PCM1: variants seen among roughly 807,000 people sequenced by gnomAD.
PCM1 encodes the protein pericentriolar material 1 protein.
PCM1 carries 157 observed loss-of-function variants against 241.9 expected under a neutral mutation model. The observed-to-expected ratio is 0.65, with a 90% CI of 0.57 to 0.74. The LOEUF is 0.74. Ranked by LOEUF, PCM1 falls within the 30% of genes least tolerant of loss-of-function variation. The pLI, the probability that PCM1 is intolerant of heterozygous loss-of-function variation, is 0.00. For missense variants in PCM1, 3,478 were observed against 2,360.1 expected (o/e 1.47, Z -9.81); for synonymous variants, 1,085 against 784.9 (o/e 1.38, Z -6.39).
At chr8:18,009,819 A>C (rs1384400631) in intron 31 of PCM1, 75 bp downstream of exon 31, 1 of 948,346 alleles carries the variant, frequency 1.1e-6, no homozygotes, top group East Asian at 3.0e-5. Flanking sequence ...ATTAACTGAA[A>C]TCACATTTTA....
chr8:17,954,517 C>G (rs1238287042), intron 9 of PCM1, among the ~76,000 whole-genome samples: 1 of 151,972 alleles, frequency 6.6e-6, no homozygotes, highest in Non-Finnish European at 1.5e-5. Context: ...CATAAAGTAG[C>G]ACTCCGTATA....
At position 18,014,626 on chromosome 8, in the gene PCM1, T is replaced by C; in HGVS notation, c.5627T>C (p.Ile1876Thr). 6.2e-7 allele frequency: 1 copy of C among 1,613,080 alleles called. No individual in the cohort carries two copies. The highest frequency in any genetic ancestry group is 8.5e-7 in the Non-Finnish European group (1 of 1,179,242). Reference sequence around the variant, plus strand: ...CCTGTGAAACCCTGTTACCTCAATATCTTGGAAGATGAGCAACCTTTAAAT... The same window carrying C: ...CCTGTGAAACCCTGTTACCTCAATACCTTGGAAGATGAGCAACCTTTAAAT... The part of the protein sequence containing the change: ...NCPVKPCYLN[I>T]LEDEQPLNSA... The change falls in exon 36 of 39, where the codon ATC becomes ACC. Residue 1876 changes from isoleucine to threonine, a missense_variant. Transcript: ENST00000325083.
At chr8:17,950,335 T>A (rs1001963864) in intron 7 of PCM1, among the ~76,000 whole-genome samples, 1 of 152,186 alleles carries the variant, frequency 6.6e-6, no homozygotes, top group Non-Finnish European at 1.5e-5. Flanking sequence ...CTCCACTGAG[T>A]CACTACTATT....
chr8:17,938,255 C>T (rs1386727672), intron 4 of PCM1, among the ~76,000 whole-genome samples: 5 of 152,032 alleles, frequency 3.3e-5, no homozygotes, highest in African/African-American at 9.7e-5. Context: ...AGTGAAAACG[C>T]GTCAAAACTT....
intron 24 of PCM1, among the ~76,000 whole-genome samples, chr8:17,981,279 A>G (rs1467693367): frequency 6.6e-6 from 1 of 152,150 alleles, no homozygotes; most frequent in East Asian, 1.9e-4. Context: ...TTCTATCTCA[A>G]GTCCTTTCTG....
chr8:17,960,069 T>C lies in PCM1; in HGVS notation c.2096T>C (p.Phe699Ser). The change falls in exon 14 of 39, where the codon TTC (phenylalanine) becomes TCC (serine). Residue 699 changes from phenylalanine (F) to serine (S), a missense_variant. Phe to Ser is a radical substitution (Grantham distance 155). Coordinates refer to ENST00000325083, the MANE Select transcript of PCM1 (RefSeq NM_006197.4). ...ISASASNLDD[F>S]YPAEEDTKQN... ...GCCAGTGCATCAAATTTGGATGATT[T>C]CTACCCAGCAGAAGAAGACACCAAG... 6.2e-7 allele frequency: 1 copy of C among 1,612,208 alleles called. No individual in the cohort carries two copies.
At chr8:18,019,505 G>T (rs2093589735) in intron 36 of PCM1, among the ~76,000 whole-genome samples, 1 of 152,136 alleles carries the variant, frequency 6.6e-6, no homozygotes, top group Admixed American at 6.5e-5. Context: ...TGCAGAATCA[G>T]TGGGAGACCT....
intron 23 of PCM1, among the ~76,000 whole-genome samples, chr8:17,979,671 G>A (rs1464946074): frequency 6.6e-6 from 1 of 152,098 alleles, no homozygotes; most frequent in Non-Finnish European, 1.5e-5. Context: ...ACATAACCAT[G>A]TTCTTAAGAT....
At position 18,027,975 on chromosome 8, in the gene PCM1, A is replaced by G. The variant is rs1050216130; in HGVS notation, c.*313A>G. 13 of 286,448 alleles carry G rather than the reference A, an allele frequency of 4.5e-5. No individual in the cohort carries two copies. Among genetic ancestry groups the G allele is most frequent in the Non-Finnish European group, 7.1e-5 (11 of 154,884 alleles). 17.7% of individuals were successfully genotyped at this position (286,448 alleles called of 1,614,324 possible). A position where few individuals can be genotyped will look rare whatever the true frequency, so the allele number is the denominator to read the frequency against. The stretch of plus-strand genomic sequence containing the variant: ...TAAAGTTTGGACTTATCTATAAAGT[A>G]TCTTTTTTGGAAATTATATTGAATT... On this transcript the variant is annotated 3_prime_UTR_variant, in exon 39 of 39. Transcript: ENST00000325083.
At chr8:17,947,444 A>G (rs1290229016) in intron 7 of PCM1, 81 bp downstream of exon 7, 2 of 979,808 alleles carry the variant, frequency 2.0e-6, no homozygotes, top group Non-Finnish European at 3.0e-6. Flanking sequence ...TGATTATTAC[A>G]TAATCAGATC....
chr8:18,016,390 C>T (rs909701651), intron 36 of PCM1, among the ~76,000 whole-genome samples: 1 of 151,958 alleles, frequency 6.6e-6, no homozygotes, highest in Non-Finnish European at 1.5e-5. Flanking sequence ...GAAACTATGC[C>T]TTTAACTATG....
intron 13 of PCM1, among the ~76,000 whole-genome samples, chr8:17,959,690 G>C (rs1048267007): frequency 1.3e-5 from 2 of 151,954 alleles, no homozygotes; most frequent in Admixed American, 6.6e-5. Flanking sequence ...TTAAGCAGTG[G>C]TATGTGAGAG....
At position 18,010,842 on chromosome 8, in the gene PCM1, G is replaced by A. The variant is rs552623712; in HGVS notation, c.5220+174G>A. Reference sequence around the variant, plus strand: ...CTAAAAATACAAAAATTAGCCAGGCGTGTGCCTATAGTCCCAGCTATTCAG... The same window carrying A: ...CTAAAAATACAAAAATTAGCCAGGCATGTGCCTATAGTCCCAGCTATTCAG... On this transcript the variant is annotated intron_variant, in intron 32 of 38. Transcript: ENST00000325083. Among the ~76,000 whole-genome samples, 83 of 152,176 alleles carry A rather than the reference G, an allele frequency of 5.5e-4. 1 individual carries two copies. In the Middle Eastern group the frequency reaches 0.01, roughly 19 times the overall value.
chr8:18,004,922 A>C (rs572070546), intron 29 of PCM1, among the ~76,000 whole-genome samples: 27 of 152,106 alleles, frequency 1.8e-4, no homozygotes, highest in Non-Finnish European at 3.4e-4. Context: ...TCACTGCTGG[A>C]TCTGGTGTGC....
chr8:18,022,286 T>G (rs961592438), intron 36 of PCM1, among the ~76,000 whole-genome samples: 2 of 152,194 alleles, frequency 1.3e-5, no homozygotes, highest in East Asian at 3.9e-4. Flanking sequence ...CATTTAAAAC[T>G]TTTCTCATTA....
intron 29 of PCM1, among the ~76,000 whole-genome samples, chr8:18,005,482 G>T (rs545296742): frequency 2.7e-4 from 41 of 151,984 alleles, no homozygotes; most frequent in South Asian, 1.9e-3. Flanking sequence ...TGGTGGGGGG[G>T]ACTGAACTGA....
intron 27 of PCM1, among the ~76,000 whole-genome samples, chr8:17,991,252 T>C (rs143397114): frequency 1.4e-4 from 21 of 152,306 alleles, no homozygotes; most frequent in Admixed American, 3.3e-4. Flanking sequence ...CTTCAGAGTT[T>C]GATAACTAAG....
At chr8:17,998,648 G>T (rs2087917333) in intron 29 of PCM1, among the ~76,000 whole-genome samples, 1 of 152,174 alleles carries the variant, frequency 6.6e-6, no homozygotes. Flanking sequence ...GCTTGCCCAA[G>T]ACCCTCTGTA....
At position 17,972,965 on chromosome 8, in the gene PCM1, A is replaced by T. The variant is rs183423667; in HGVS notation, c.3943+278A>T. 4.3e-4 allele frequency among the ~76,000 whole-genome samples: 66 copies of T among 152,300 alleles called. 1 individual carries two copies. Among genetic ancestry groups the T allele is most frequent in the Admixed American group, 2.1e-3 (32 of 15,300 alleles). On this transcript the variant is annotated intron_variant, in intron 23 of 38. Coordinates refer to ENST00000325083, the MANE Select transcript of PCM1 (RefSeq NM_006197.4). ...TTGTAGATTATTGAAAAATTGCCAA[A>T]TGCCCACGTTTACTATTTTTTTTCT... is the stretch of plus-strand genomic sequence containing the variant.
Sources: gnomAD v4.1 joint callset for allele counts (sites outside exome capture counted in the v4.1 genomes callset) on GRCh38, gnomAD v4.1.1 for gene constraint, MANE v1.5 for transcripts, NCBI Gene and HGNC (gene_info 2026-07-23, HGNC 2026-07-21) for gene names.